The following LRP1B variants were observed in gnomAD, a reference collection of about 807,000 sequenced individuals.
LRP1B encodes LDL receptor related protein 1B.
Under a neutral mutation model 556.6 loss-of-function variants are expected in LRP1B, and 217 were observed. The observed-to-expected ratio is 0.39, with a 90% CI of 0.35 to 0.44. The LOEUF (loss-of-function observed/expected upper bound fraction) is 0.44, where lower values mean the gene tolerates loss of function less well. LRP1B is among the 20% of genes least tolerant of loss of function. The pLI is 1.00. For synonymous variants in LRP1B, 2,047 were observed against 1,865.8 expected (o/e 1.10, Z -2.50); for missense variants, 5,053 against 5,620.8 (o/e 0.90, Z 3.23).
chr2:141,059,912 T>C lies in LRP1B; in HGVS notation c.1237-858A>G, dbSNP rs534506110. Among the ~76,000 whole-genome samples, 31 of 151,830 alleles carry C rather than the reference T, an allele frequency of 2.0e-4. 1 individual carries two copies. The highest frequency in any genetic ancestry group is 2.0e-3 in the Admixed American group (31 of 15,184). ...CATTTACTTAATTTAAATGGTTCTG[T>C]TCCAGGGTAAAGTGAAGTTGCCACT... On this transcript the variant is annotated intron_variant, in intron 8 of 90. Transcript: ENST00000389484.
chr2:141,464,692 A>G (rs1432578136), intron 3 of LRP1B, among the ~76,000 whole-genome samples: 1 of 148,804 alleles, frequency 6.7e-6, no homozygotes, highest in Non-Finnish European at 1.5e-5. Flanking sequence ...TCGGCCTCCC[A>G]AAGTGCTGGG....
Position 141,329,489 on chromosome 2 carries a change from G to A in LRP1B, c.344-74848C>T, listed in dbSNP as rs373804361. On this transcript the variant is annotated intron_variant, in intron 3 of 90. Coordinates refer to ENST00000389484, the MANE Select transcript of LRP1B (RefSeq NM_018557.3). ...GAAACCCTGTCTCTACTAAAAATACGAAAAATTAGCCGGGTGTGGTGGCGG... is the reference window on the plus strand; with the variant it reads ...GAAACCCTGTCTCTACTAAAAATACAAAAAATTAGCCGGGTGTGGTGGCGG... Among the ~76,000 whole-genome samples, 115 of 150,414 alleles carry A rather than the reference G, an allele frequency of 7.6e-4. 1 individual carries two copies. The highest frequency in any genetic ancestry group is 2.2e-3 in the African/African-American group (89 of 41,000).
rs1680169338 is a variant in LRP1B at position 140,542,365 on chromosome 2, C to T, written c.7195-394G>A. Among the ~76,000 whole-genome samples, 6 of 152,176 alleles carry T rather than the reference C, an allele frequency of 3.9e-5. No homozygotes were observed. In the South Asian group the frequency reaches 1.2e-3, roughly 32 times the overall value. On this transcript the variant is annotated intron_variant, in intron 43 of 90. Coordinates refer to ENST00000389484, the MANE Select transcript of LRP1B (RefSeq NM_018557.3). ...GATACTCATCAAGTTCCCAGAACTA[C>T]ATATGGCATATAAAGAACCATAAGA...
At chr2:140,596,715 C>T (rs993835918) in intron 43 of LRP1B, among the ~76,000 whole-genome samples, 2 of 152,132 alleles carry the variant, frequency 1.3e-5, no homozygotes, top group African/African-American at 4.8e-5. Flanking sequence ...TTTGCACAGG[C>T]GCTGAAGTGA....
intron 3 of LRP1B, among the ~76,000 whole-genome samples, chr2:141,262,594 G>A (rs300405): frequency 0.11 from 16,955 of 151,870 alleles, 1,064 homozygotes; most frequent in South Asian, 0.17. Context: ...TCCATAAATG[G>A]TAAAATCTAT....
chr2:141,033,461 T>C (rs2105418723), intron 11 of LRP1B, among the ~76,000 whole-genome samples: 1 of 152,084 alleles, frequency 6.6e-6, no homozygotes, highest in Middle Eastern at 3.4e-3. Flanking sequence ...AGTTGTCCAT[T>C]GATGTGTAAC....
chr2:141,887,003 T>C lies in LRP1B; in HGVS notation c.83-76602A>G, dbSNP rs1699143418. Among the ~76,000 whole-genome samples the C allele has an allele frequency of 2.6e-5, 4 of 151,710 alleles. No homozygotes were observed. In the South Asian group the frequency reaches 8.3e-4, roughly 32 times the overall value. ...TTGGGTTTTTTGTTTGTTTGTTTTGTTTGTTTTTCTTTGATGGAGTCTTGC... is the reference window on the plus strand; with the variant it reads ...TTGGGTTTTTTGTTTGTTTGTTTTGCTTGTTTTTCTTTGATGGAGTCTTGC... On this transcript the variant is annotated intron_variant, in intron 1 of 90. Transcript: ENST00000389484.
chr2:140,255,121 T>A (rs1329850230), intron 86 of LRP1B, among the ~76,000 whole-genome samples: 1 of 152,208 alleles, frequency 6.6e-6, no homozygotes, highest in Non-Finnish European at 1.5e-5. Context: ...CTATCTTACA[T>A]AAATGTTAAT....
At chr2:141,113,895 A>G (rs537442176) in intron 7 of LRP1B, among the ~76,000 whole-genome samples, 2 of 152,372 alleles carry the variant, frequency 1.3e-5, no homozygotes, top group African/African-American at 4.8e-5. Context: ...TATAAATGAA[A>G]CTAGTCTAAG....
In LRP1B at chr2:140,534,090, T is replaced by C. The variant is rs200449026; in HGVS notation, c.7693A>G (p.Ile2565Val). ...CCATCACATAACTTGCCATGAGGAA[T>C]GCAGCGGCGATTATAGCATGGCTTG... Reference protein sequence around the residue: ...GFKPCYNRRCIPHGKLCDGEN... With the variant: ...GFKPCYNRRCVPHGKLCDGEN... Residue 2565 changes from isoleucine (I) to valine (V), a missense_variant, in exon 47 of 91, where the codon ATT (isoleucine) becomes GTT (valine). Physicochemically the swap from Ile to Val is conservative, Grantham distance 29. This residue lies in a region of LRP1B where 3,619 missense variants were observed against 3,931.9 expected (regional missense o/e 0.92). Transcript: ENST00000389484. 2.5e-6 allele frequency: 4 copies of C among 1,613,448 alleles called. No homozygotes were observed. The highest frequency in any genetic ancestry group is 3.4e-6 in the Non-Finnish European group (4 of 1,179,540).
At chr2:140,696,800 C>G (rs938437813) in intron 41 of LRP1B, among the ~76,000 whole-genome samples, 1 of 152,164 alleles carries the variant, frequency 6.6e-6, no homozygotes, top group African/African-American at 2.4e-5. Flanking sequence ...CATCCCAAAA[C>G]CATCCCCTGC....
intron 1 of LRP1B, among the ~76,000 whole-genome samples, chr2:141,855,134 TGAA>T (rs1698006260): frequency 3.3e-5 from 5 of 152,014 alleles, no homozygotes; most frequent in Non-Finnish European, 1.5e-5. Context: ...ACAGGTTGTG[TGAA>T]CATAAGGATT....
intron 41 of LRP1B, among the ~76,000 whole-genome samples, chr2:140,612,417 C>T (rs749055847): frequency 3.9e-5 from 6 of 151,956 alleles, no homozygotes; most frequent in African/African-American, 4.8e-5. Context: ...TTAAAATCTC[C>T]GTTTCCTTCC....
chr2:141,126,296 A>T (rs1701210160), intron 7 of LRP1B, among the ~76,000 whole-genome samples: 1 of 152,154 alleles, frequency 6.6e-6, no homozygotes, highest in Admixed American at 6.6e-5. Flanking sequence ...GGACTCCCAA[A>T]GTGCTGGTAT....
chr2:140,458,953 A>G (rs989797112), intron 60 of LRP1B, among the ~76,000 whole-genome samples: 1 of 152,070 alleles, frequency 6.6e-6, no homozygotes, highest in Non-Finnish European at 1.5e-5. Flanking sequence ...GTCACTGAAT[A>G]CTTTCATAAT....
At chr2:141,560,724 A>T (rs939658594) in intron 2 of LRP1B, among the ~76,000 whole-genome samples, 1 of 151,680 alleles carries the variant, frequency 6.6e-6, no homozygotes, top group Non-Finnish European at 1.5e-5. Flanking sequence ...AAAATAAAGT[A>T]CTTTTTTTTA....
chr2:141,416,284 G>A (rs930628605), intron 3 of LRP1B, among the ~76,000 whole-genome samples: 14 of 152,020 alleles, frequency 9.2e-5, no homozygotes, highest in Non-Finnish European at 1.9e-4. Context: ...CATTCATGAG[G>A]TAAGTGACCT....
At chr2:140,252,024 A>G (rs1220117581) in intron 86 of LRP1B, among the ~76,000 whole-genome samples, 1 of 137,202 alleles carries the variant, frequency 7.3e-6, no homozygotes, top group Non-Finnish European at 1.5e-5. Context: ...TGAGTCTTTT[A>G]TACTCACTTC....
At chr2:141,479,291 C>G (rs941147327) in intron 3 of LRP1B, among the ~76,000 whole-genome samples, 1 of 152,180 alleles carries the variant, frequency 6.6e-6, no homozygotes, top group African/African-American at 2.4e-5. Context: ...GGCCCCCAGA[C>G]AGGTTTTGTT....
Sources: allele counts gnomAD v4.1 joint callset (sites outside exome capture counted in the v4.1 genomes callset), GRCh38; gene constraint gnomAD v4.1.1; regional missense constraint gnomAD v4.1.1; transcripts MANE v1.5; gene names NCBI Gene and HGNC (gene_info 2026-07-23, HGNC 2026-07-21).